ERBB4: variants seen among roughly 807,000 people sequenced by gnomAD.
ERBB4 encodes the protein erb-b2 receptor tyrosine kinase 4.
Under a neutral mutation model 158.0 loss-of-function variants are expected in ERBB4, and 42 were observed. That is an observed-to-expected ratio of 0.27 (90% confidence interval 0.21 to 0.34). ERBB4 has a LOEUF of 0.34. Among genes scored for constraint, ERBB4 ranks in the 10% least tolerant of loss-of-function variants. The pLI, the probability that ERBB4 is intolerant of heterozygous loss-of-function variation, is 1.00. For synonymous variants in ERBB4, 583 were observed against 558.7 expected (o/e 1.04, Z -0.61); for missense variants, 1,333 against 1,624.1 (o/e 0.82, Z 3.08).
At chr2:211,773,727 A>G (rs1291196906) in intron 4 of ERBB4, among the ~76,000 whole-genome samples, 2 of 146,732 alleles carry the variant, frequency 1.4e-5, no homozygotes, top group African/African-American at 5.0e-5. Context: ...ATATATACAC[A>G]CACACACTTC....
intron 3 of ERBB4, among the ~76,000 whole-genome samples, chr2:211,818,658 G>C (rs1424877159): frequency 1.3e-5 from 2 of 151,984 alleles, no homozygotes; most frequent in African/African-American, 4.8e-5. Context: ...TGATAATTCA[G>C]GCATTAGCTC....
intron 4 of ERBB4, among the ~76,000 whole-genome samples, chr2:211,753,845 A>G (rs567193293): frequency 3.4e-4 from 51 of 148,176 alleles, no homozygotes; most frequent in Middle Eastern, 7.1e-3. Context: ...ACTAACCTCA[A>G]AAGTCCTGAT....
intron 20 of ERBB4, among the ~76,000 whole-genome samples, chr2:211,530,373 T>C (rs763981824): frequency 5.3e-5 from 8 of 152,108 alleles, no homozygotes; most frequent in Non-Finnish European, 1.0e-4. Context: ...AGATACTCCA[T>C]GTTCATGAAC....
intron 2 of ERBB4, among the ~76,000 whole-genome samples, chr2:211,962,840 G>A (rs540338012): frequency 1.3e-5 from 2 of 151,916 alleles, no homozygotes; most frequent in African/African-American, 4.8e-5. Context: ...GGTTGATGGC[G>A]CTTTAAAAAA....
chr2:212,015,496 G>A (rs972892457), intron 2 of ERBB4, among the ~76,000 whole-genome samples: 2 of 152,000 alleles, frequency 1.3e-5, no homozygotes, highest in African/African-American at 4.8e-5. Context: ...AAAATTTTGT[G>A]CCTGGGACCT....
intron 5 of ERBB4, among the ~76,000 whole-genome samples, chr2:211,746,138 C>T (rs1008301833): frequency 6.6e-6 from 1 of 152,072 alleles, no homozygotes; most frequent in Non-Finnish European, 1.5e-5. Flanking sequence ...AACATTTGGC[C>T]GGTGTGGTGG....
intron 3 of ERBB4, among the ~76,000 whole-genome samples, chr2:211,869,241 T>C (rs1260054910): frequency 6.6e-6 from 1 of 152,186 alleles, no homozygotes; most frequent in Non-Finnish European, 1.5e-5. Flanking sequence ...TGGCCTGCAG[T>C]GAAACATACC....
chr2:211,950,526 T>A (rs1375117243), intron 2 of ERBB4, among the ~76,000 whole-genome samples: 1 of 152,136 alleles, frequency 6.6e-6, no homozygotes, highest in African/African-American at 2.4e-5. Flanking sequence ...AGTTGGTTTA[T>A]AATAAAAAAT....
At chr2:211,772,498 C>T (rs979136732) in intron 4 of ERBB4, among the ~76,000 whole-genome samples, 8 of 151,796 alleles carry the variant, frequency 5.3e-5, no homozygotes, top group African/African-American at 1.9e-4. Flanking sequence ...AGAGACTAAT[C>T]CCTAAGGTCT....
intron 2 of ERBB4, among the ~76,000 whole-genome samples, chr2:212,009,335 A>T (rs922892499): frequency 6.6e-6 from 1 of 151,808 alleles, no homozygotes; most frequent in Non-Finnish European, 1.5e-5. Context: ...GATTTGAAAT[A>T]CTCAGAGAAG....
rs1444583224 is a variant in ERBB4, at chr2:211,392,388, C to G, written c.3136-4396G>C. Among the ~76,000 whole-genome samples, 2 of 152,166 alleles carry G rather than the reference C, an allele frequency of 1.3e-5. 1 individual carries two copies. Among genetic ancestry groups the G allele is most frequent in the South Asian group, 4.2e-4 (2 of 4,818 alleles). On this transcript the variant is annotated intron_variant, in intron 25 of 27. Transcript: ENST00000342788. ...AGAATGTGTCCATATGTGCCAAACC[C>G]AATAATGGCTGGGAAAAGCCTACTG...
At chr2:211,977,343 A>G (rs1430929880) in intron 2 of ERBB4, among the ~76,000 whole-genome samples, 1 of 152,172 alleles carries the variant, frequency 6.6e-6, no homozygotes, top group Admixed American at 6.5e-5. Context: ...AAAGATGATG[A>G]AGTAGTCTTG....
At chr2:211,428,920 C>T (rs2063692612) in intron 21 of ERBB4, among the ~76,000 whole-genome samples, 1 of 151,812 alleles carries the variant, frequency 6.6e-6, no homozygotes, top group Non-Finnish European at 1.5e-5. Flanking sequence ...TCATGTTGCC[C>T]AGGCTAGCCT....
intron 3 of ERBB4, among the ~76,000 whole-genome samples, chr2:211,944,042 G>C (rs899830435): frequency 6.8e-6 from 1 of 146,558 alleles, no homozygotes; most frequent in Non-Finnish European, 1.5e-5. Flanking sequence ...GATTTAAGTA[G>C]AAACGCAAAC....
chr2:212,085,502 A>G (rs1575611255), intron 2 of ERBB4, among the ~76,000 whole-genome samples: 1 of 151,904 alleles, frequency 6.6e-6, no homozygotes, highest in East Asian at 1.9e-4. Flanking sequence ...TCAGCTTGGT[A>G]TTAGTATCTG....
intron 1 of ERBB4, among the ~76,000 whole-genome samples, chr2:212,208,683 T>G (rs1310408148): frequency 6.6e-6 from 1 of 152,172 alleles, no homozygotes; most frequent in East Asian, 1.9e-4. Flanking sequence ...CAAGCTTTAG[T>G]GCTTGCTGAA....
At chr2:211,888,787 C>T (rs555427376) in intron 3 of ERBB4, among the ~76,000 whole-genome samples, 26 of 151,574 alleles carry the variant, frequency 1.7e-4, no homozygotes, top group African/African-American at 2.7e-4. Context: ...AAAGGGGTGA[C>T]GGACGCACCT....
At chr2:211,885,297 A>G (rs567542241) in intron 3 of ERBB4, among the ~76,000 whole-genome samples, 43 of 152,286 alleles carry the variant, frequency 2.8e-4, no homozygotes, top group African/African-American at 1.0e-3. Flanking sequence ...TAGGCCTGAA[A>G]GAAAGTCAAT....
intron 25 of ERBB4, among the ~76,000 whole-genome samples, chr2:211,398,784 T>C (rs1469328874): frequency 6.6e-6 from 1 of 152,176 alleles, no homozygotes; most frequent in African/African-American, 2.4e-5. Context: ...TAAGCCGAGA[T>C]TGCGCCACTG....
Sources: allele counts gnomAD v4.1 joint callset (sites outside exome capture counted in the v4.1 genomes callset), GRCh38; gene constraint gnomAD v4.1.1; transcripts MANE v1.5; gene names NCBI Gene and HGNC (gene_info 2026-07-23, HGNC 2026-07-21).